CROCC2: variants seen among roughly 807,000 people sequenced by gnomAD.
The protein encoded by CROCC2 is ciliary rootlet coiled-coil, rootletin family member 2.
A neutral mutation model predicts 177.6 loss-of-function variants in CROCC2; 163 were observed. The observed-to-expected ratio is 0.92, with a 90% CI of 0.81 to 1.05. CROCC2 has a LOEUF of 1.05. CROCC2 is among the 50% of genes least tolerant of loss of function. The pLI is 0.00. For missense variants in CROCC2, 1,929 were observed against 1,797.8 expected (o/e 1.07, Z -1.32); for synonymous variants, 904 against 787.3 (o/e 1.15, Z -2.48).
At chr2:240,928,419 T>TG (rs1243477802) in intron 5 of CROCC2, among the ~76,000 whole-genome samples, 77 of 119,892 alleles carry the variant, frequency 6.4e-4, no homozygotes, top group African/African-American at 2.4e-3. Flanking sequence ...GTGTGCCTGT[T>TG]TTGTGTGTGT....
Position 240,918,827 on chromosome 2 carries a change from C to A in CROCC2, c.180C>A (p.Thr60=). 1 of 628,068 alleles carries A rather than the reference C, an allele frequency of 1.6e-6. No homozygotes were observed. The highest frequency in any genetic ancestry group is 3.0e-5 in the East Asian group (1 of 33,312). 38.9% of individuals were successfully genotyped at this position (628,068 alleles called of 1,614,324 possible). ...GRQASPTPVP[T]RIREIVAGSL... The stretch of plus-strand genomic sequence containing the variant: ...AGGCCTCGCCCACCCCCGTGCCCAC[C>A]CGCATCCGTGAGATCGTGGCCGGCA... Residue 60 remains threonine (T), a synonymous_variant, in exon 2 of 32, where the codon ACC becomes ACA. Coordinates refer to ENST00000690015, the MANE Select transcript of CROCC2 (RefSeq NM_001351305.2). The surrounding 1 kb of genome is among the most constrained non-coding windows in gnomAD (Gnocchi z 6.3).
At chr2:240,985,607 C>A (rs796220657) in intron 28 of CROCC2, among the ~76,000 whole-genome samples, 5 of 129,560 alleles carry the variant, frequency 3.9e-5, no homozygotes, top group South Asian at 2.9e-4. Flanking sequence ...ACTCCACACA[C>A]ACCCAGACAC....
chr2:240,925,650 G>T, intron 4 of CROCC2, 74 bp from the exon 5 acceptor site: 1 of 635,194 alleles, frequency 1.6e-6, no homozygotes, highest in South Asian at 1.9e-5. Context: ...CAAGCCCCTT[G>T]ACTTGGGGAC....
In CROCC2 at chr2:240,967,635, T is replaced by C. The variant is rs1388347264; in HGVS notation, c.4267+170T>C. ...GGCCTGGCGAGGCTGGGTCAGCGCTTGGCATCGGAGTTCTCAGCAGCGACT... is the reference window on the plus strand; with the variant it reads ...GGCCTGGCGAGGCTGGGTCAGCGCTCGGCATCGGAGTTCTCAGCAGCGACT... On this transcript the variant is annotated intron_variant, in intron 26 of 31. Transcript: ENST00000690015. 3 of 956,326 alleles carry C rather than the reference T, an allele frequency of 3.1e-6. No individual in the cohort carries two copies. The African/African-American group carries it at 5.3e-5, about 17-fold the overall frequency. The allele number at this position is 956,326 out of a possible 1,614,324, so 59.2% of individuals were successfully genotyped here.
intron 1 of CROCC2, among the ~76,000 whole-genome samples, chr2:240,916,562 C>T (rs970613127): frequency 6.6e-6 from 1 of 150,962 alleles, no homozygotes; most frequent in Non-Finnish European, 1.5e-5. Flanking sequence ...CCCGCGCCCC[C>T]CTCCGGCTCC....
At position 240,917,017 on chromosome 2, in the gene CROCC2, C is replaced by G. The variant is rs957879988; in HGVS notation, c.79-1709C>G. 3.9e-5 allele frequency among the ~76,000 whole-genome samples: 6 copies of G among 152,176 alleles called. No homozygotes were observed. The highest frequency in any genetic ancestry group is 1.4e-4 in the African/African-American group (6 of 41,460). ...GAGCAGGGACTTCCCTCCCCCTCCC[C>G]CACTGGGCTGCTGCTCCCAAGGGGG... On this transcript the variant is annotated intron_variant, in intron 1 of 31. Coordinates refer to ENST00000690015, the MANE Select transcript of CROCC2 (RefSeq NM_001351305.2). This position sits in a 1 kb window ranked among gnomAD's most constrained non-coding sequence, Gnocchi z 4.9.
rs2059618954 is a variant in CROCC2 at position 240,959,756 on chromosome 2, G to GGGGTGAGTTTGACTTCA, written c.3087+319_3087+335dup. On this transcript the variant is annotated intron_variant, in intron 20 of 31. Transcript: ENST00000690015. ...AGGCATCATTTCTAAGCCTCCTGAAGGGGTGAGTTTGACTTCAGGGTGAAA... is the reference window on the plus strand; with the variant it reads ...AGGCATCATTTCTAAGCCTCCTGAAGGGGTGAGTTTGACTTCAGGGTGAGTTTGACTTCAGGGTGAAA... 4 of 236,950 alleles carry GGGGTGAGTTTGACTTCA rather than the reference G, an allele frequency of 1.7e-5. No individual in the cohort carries two copies. The Admixed American group carries it at 2.2e-4, about 13-fold the overall frequency. The allele number at this position is 236,950 out of a possible 1,614,324, so 14.7% of individuals were successfully genotyped here. A position where few individuals can be genotyped will look rare whatever the true frequency, so the allele number is the denominator to read the frequency against.
In CROCC2 at chr2:240,958,714, C is replaced by A; in HGVS notation, c.2944-587C>A. The A allele has an allele frequency of 2.2e-6, 1 of 450,418 alleles. No homozygotes were observed. Among genetic ancestry groups the A allele is most frequent in the Non-Finnish European group, 2.9e-6 (1 of 340,812 alleles). 27.9% of individuals were successfully genotyped at this position (450,418 alleles called of 1,614,324 possible). On this transcript the variant is annotated intron_variant, in intron 19 of 31. Coordinates refer to ENST00000690015, the MANE Select transcript of CROCC2 (RefSeq NM_001351305.2). The surrounding 1 kb of genome is among the most constrained non-coding windows in gnomAD (Gnocchi z 6.7). ...GCCCAGGAAGCTGAGACCCCCTGAGCCCCATCTGCCCTGCTGCCGCAACCT... is the reference window on the plus strand; with the variant it reads ...GCCCAGGAAGCTGAGACCCCCTGAGACCCATCTGCCCTGCTGCCGCAACCT...
chr2:240,983,199 TC>T, intron 28 of CROCC2, 170 bp downstream of exon 28: 1 of 845,268 alleles, frequency 1.2e-6, no homozygotes, highest in Non-Finnish European at 1.8e-6. Context: ...CACCATCCAG[TC>T]CCCCGCTGAC....
At chr2:240,938,752 A>G (rs2059482449) in intron 14 of CROCC2, among the ~76,000 whole-genome samples, 2 of 151,452 alleles carry the variant, frequency 1.3e-5, no homozygotes, top group Admixed American at 6.5e-5. Flanking sequence ...CCATGTTTGT[A>G]GTTTTCAATG....
rs770796147 is a variant in CROCC2 at position 240,963,694 on chromosome 2, GC to G, written c.3229del (p.Arg1077AlafsTer80). 3.9e-6 allele frequency: 6 copies of G among 1,550,294 alleles called. No individual in the cohort carries two copies. The East Asian group carries it at 1.5e-4, about 38-fold the overall frequency. ...QEARRALSDE[A>X]REKDVLLLFN... ...GGCCCGCCGGGCGCTGAGTGACGAG[GC>G]CCGCGAGAAGGACGTACTGTTGCTT... On this transcript the variant is annotated frameshift_variant, in exon 21 of 32. Transcript: ENST00000690015. LOFTEE classifies it high-confidence loss of function.
At chr2:240,939,357 C>T (rs888243776) in intron 14 of CROCC2, among the ~76,000 whole-genome samples, 7 of 152,000 alleles carry the variant, frequency 4.6e-5, no homozygotes, top group South Asian at 2.1e-4. Flanking sequence ...CCTACTTTGT[C>T]GTGAGTTAGT....
intron 1 of CROCC2, among the ~76,000 whole-genome samples, chr2:240,915,691 C>G (rs1397470172): frequency 6.6e-6 from 1 of 152,176 alleles, no homozygotes; most frequent in East Asian, 1.9e-4. Context: ...GGTGGCGCAG[C>G]AGTGAGGACC....
At chr2:240,968,098 G>A in intron 26 of CROCC2, 31 bp from the exon 27 acceptor site, 1 of 1,407,814 alleles carries the variant, frequency 7.1e-7, no homozygotes, top group African/African-American at 1.5e-5. Context: ...GGGGCATGGG[G>A]GCCCCTCAAG....
Position 240,963,540 on chromosome 2 carries a change from G to A in CROCC2, c.3088-16G>A. 6.6e-7 allele frequency: 1 copy of A among 1,524,306 alleles called. No individual in the cohort carries two copies. Among genetic ancestry groups the A allele is most frequent in the Non-Finnish European group, 8.8e-7 (1 of 1,131,470 alleles). 94.4% of individuals were successfully genotyped at this position (1,524,306 alleles called of 1,614,324 possible). A position where few individuals can be genotyped will look rare whatever the true frequency, so the allele number is the denominator to read the frequency against. ...TGGTCCCCAGCGGGCCTCTAGAGCT[G>A]AATGGTCCTCCCCAGGCTGAGAGGC... On this transcript the variant is annotated splice_polypyrimidine_tract_variant and intron_variant, in intron 20 of 31. Transcript: ENST00000690015.
chr2:240,941,398 C>T (rs995288314), intron 14 of CROCC2, among the ~76,000 whole-genome samples: 2 of 152,170 alleles, frequency 1.3e-5, no homozygotes, highest in Non-Finnish European at 2.9e-5. Flanking sequence ...AAAAGCAAAT[C>T]TGGAGGCATC....
chr2:240,934,448 G>C lies in CROCC2; in HGVS notation c.1764G>C (p.Arg588Ser), dbSNP rs771682244. 4.3e-5 allele frequency: 66 copies of C among 1,548,276 alleles called. 1 individual carries two copies. In the South Asian group the frequency reaches 7.5e-4, roughly 18 times the overall value. ...AGCGGGATGTCGTGGAGAGTGAGAG[G>C]GAGGGACTGCGCAGCGCCCTGGCGC... ...QLQRDVVESE[R>S]EGLRSALARA... The change falls in exon 12 of 32, where the codon AGG (arginine) becomes AGC (serine). Residue 588 changes from arginine to serine, a missense_variant. Coordinates refer to ENST00000690015, the MANE Select transcript of CROCC2 (RefSeq NM_001351305.2).
Position 240,967,440 on chromosome 2 carries a change from G to A in CROCC2, c.4242G>A (p.Gln1414=), listed in dbSNP as rs2059691107. 1 of 1,412,572 alleles carries A rather than the reference G, an allele frequency of 7.1e-7. No individual in the cohort carries two copies. Among genetic ancestry groups the A allele is most frequent in the African/African-American group, 1.4e-5 (1 of 70,404 alleles). The allele number at this position is 1,412,572 out of a possible 1,614,324, so 87.5% of individuals were successfully genotyped here. Residue 1414 remains glutamine, a synonymous_variant, in exon 26 of 32, where the codon CAG becomes CAA. Coordinates refer to ENST00000690015, the MANE Select transcript of CROCC2 (RefSeq NM_001351305.2). Reference sequence around the variant, plus strand: ...CCCAGAGCCGCGTGGGGCAGCTGCAGAAAGCCCTGGCTGAGGCGGAAGAAG... The same window carrying A: ...CCCAGAGCCGCGTGGGGCAGCTGCAAAAAGCCCTGGCTGAGGCGGAAGAAG... The part of the protein sequence containing the change: ...ARAQSRVGQL[Q]KALAEAEEGQ...
chr2:240,929,673 G>A, intron 5 of CROCC2: 1 of 456,106 alleles, frequency 2.2e-6, no homozygotes, highest in South Asian at 1.5e-5. Flanking sequence ...ACCAACACCT[G>A]GACATCTTCA....
Sources: allele counts gnomAD v4.1 joint callset (sites outside exome capture counted in the v4.1 genomes callset), GRCh38; gene constraint gnomAD v4.1.1; non-coding constraint Gnocchi (gnomAD v3.1); transcripts MANE v1.5; gene names NCBI Gene and HGNC (gene_info 2026-07-23, HGNC 2026-07-21).